Variants in DNAH1 observed in about 807,000 individuals in gnomAD.
DNAH1 encodes axonemal beta dynein heavy chain 1.
DNAH1 carries 327 observed loss-of-function variants against 484.3 expected under a neutral mutation model. The observed-to-expected ratio is 0.68, with a 90% CI of 0.62 to 0.74. DNAH1 has a LOEUF of 0.74. Ranked by LOEUF, DNAH1 falls within the 30% of genes least tolerant of loss-of-function variation. DNAH1 has a pLI of 0.00. For missense variants in DNAH1, 5,052 were observed against 5,546.8 expected, an observed-to-expected ratio of 0.91 and a Z score of 2.83; for synonymous variants, 2,192 against 2,191.9, an observed-to-expected ratio of 1.00 and a Z score of 0.00.
chr3:52,375,154 T>C (rs1210333904), intron 44 of DNAH1, 86 bp from the exon 45 acceptor site: 3 of 1,427,154 alleles, frequency 2.1e-6, no homozygotes, highest in Non-Finnish European at 2.8e-6. Context: ...AAAGTATAAT[T>C]TTGAATTTTT....
At chr3:52,347,540 T>A (rs1559510013) in intron 11 of DNAH1, among the ~76,000 whole-genome samples, 1 of 150,490 alleles carries the variant, frequency 6.6e-6, no homozygotes, top group Non-Finnish European at 1.5e-5. Flanking sequence ...GGGGAGAGAG[T>A]GGGGGCTACA....
chr3:52,360,634 G>A (rs1240692529), intron 28 of DNAH1, among the ~76,000 whole-genome samples: 4 of 152,164 alleles, frequency 2.6e-5, no homozygotes, highest in African/African-American at 9.7e-5. Context: ...CTGTGCCTGA[G>A]TTTCCTCTGA....
Position 52,390,928 on chromosome 3 carries a change from T to A in DNAH1, c.9622-7T>A. Reference sequence around the variant, plus strand: ...TCTGACCCAGTCCAGTGCCTGGCTCTCCACAGATCGCTGGCCTCCCCAACG... The same window carrying A: ...TCTGACCCAGTCCAGTGCCTGGCTCACCACAGATCGCTGGCCTCCCCAACG... On this transcript the variant is annotated splice_polypyrimidine_tract_variant and splice_region_variant and intron_variant, in intron 60 of 77. Transcript: ENST00000420323. 6.4e-7 allele frequency: 1 copy of A among 1,551,680 alleles called. No homozygotes were observed. The highest frequency in any genetic ancestry group is 8.7e-7 in the Non-Finnish European group (1 of 1,146,896).
intron 50 of DNAH1, among the ~76,000 whole-genome samples, 154 bp downstream of exon 50, chr3:52,382,609 G>T (rs924695508): frequency 1.3e-5 from 2 of 152,156 alleles, no homozygotes; most frequent in African/African-American, 4.8e-5. Flanking sequence ...GCCACAGATG[G>T]GCAGGTTGAG....
At chr3:52,376,373 C>T (rs1488380437) in intron 46 of DNAH1, among the ~76,000 whole-genome samples, 2 of 152,362 alleles carry the variant, frequency 1.3e-5, no homozygotes, top group Admixed American at 1.3e-4. Context: ...GGTGAATCTG[C>T]CCGTCGTCGC....
In DNAH1 at chr3:52,379,852, A is replaced by G. The variant is rs1703763233; in HGVS notation, c.7378-53A>G. Reference sequence around the variant, plus strand: ...CCTCCCTTGCCTGGTGGTTTGAGAGATAGCTGAGGGCTTGGGGGCCAAGGA... The same window carrying G: ...CCTCCCTTGCCTGGTGGTTTGAGAGGTAGCTGAGGGCTTGGGGGCCAAGGA... On this transcript the variant is annotated intron_variant, in intron 47 of 77. Transcript: ENST00000420323. The surrounding 1 kb of genome is among the most constrained non-coding windows in gnomAD (Gnocchi z 4.4). 3 of 1,489,440 alleles carry G rather than the reference A, an allele frequency of 2.0e-6. No individual in the cohort carries two copies. The highest frequency in any genetic ancestry group is 2.7e-6 in the Non-Finnish European group (3 of 1,101,374). 92.3% of individuals were successfully genotyped at this position (1,489,440 alleles called of 1,614,324 possible).
chr3:52,348,566 T>C (rs1477692075), intron 12 of DNAH1, among the ~76,000 whole-genome samples: 1 of 152,200 alleles, frequency 6.6e-6, no homozygotes, highest in Non-Finnish European at 1.5e-5. Flanking sequence ...AGTTAGAGCC[T>C]TCATGACCCA....
chr3:52,352,429 C>A, intron 17 of DNAH1, 123 bp from the exon 18 acceptor site: 1 of 1,340,676 alleles, frequency 7.5e-7, no homozygotes, highest in Non-Finnish European at 1.0e-6. Flanking sequence ...TCCAGGAGAA[C>A]AACCTCCTTA....
chr3:52,357,550 G>T (rs1283071100), intron 22 of DNAH1, 64 bp from the exon 23 acceptor site: 6 of 1,556,262 alleles, frequency 3.9e-6, no homozygotes, highest in Non-Finnish European at 5.2e-6. Context: ...GCTCTGGGAT[G>T]AGCCTATCTT....
chr3:52,373,073 C>A lies in DNAH1; in HGVS notation c.6985+20C>A. On this transcript the variant is annotated intron_variant, in intron 44 of 77. Coordinates refer to ENST00000420323, the MANE Select transcript of DNAH1 (RefSeq NM_015512.5). ...TCATTGGTGAGTGTGGCCGGCCTGG[C>A]TCACAGGGCAAGGGCTACGCGTGCT... 6.2e-7 allele frequency: 1 copy of A among 1,600,006 alleles called. No individual in the cohort carries two copies.
At chr3:52,373,552 T>C in intron 44 of DNAH1, 1 of 1,475,630 alleles carries the variant, frequency 6.8e-7, no homozygotes. Flanking sequence ...AAAATAAAAG[T>C]ACCCGTCTCT....
At chr3:52,350,626 G>A (rs374714299) in intron 16 of DNAH1, 36 bp downstream of exon 16, 306 of 1,597,110 alleles carry the variant, frequency 1.9e-4, no homozygotes, top group Non-Finnish European at 2.5e-4. Flanking sequence ...CAGGTGCGGG[G>A]TGGAGCATGA....
In DNAH1 at chr3:52,357,037, T is replaced by G. The variant is rs532530488; in HGVS notation, c.3858+259T>G. On this transcript the variant is annotated intron_variant, in intron 22 of 77. Coordinates refer to ENST00000420323, the MANE Select transcript of DNAH1 (RefSeq NM_015512.5). ...TTTTTTGTTTGTCTGTTTTTTTTTT[T>G]TTGTTTTTTTTTTTGAAACAGAGTT... Among the ~76,000 whole-genome samples the G allele has an allele frequency of 2.2e-3, 338 of 151,118 alleles. 3 individuals are homozygous for G. Among genetic ancestry groups the G allele is most frequent in the Middle Eastern group, 0.01 (3 of 292 alleles).
rs1379716951 is a variant in DNAH1 at position 52,346,761 on chromosome 3, G to T, written c.1946G>T (p.Ser649Ile). ...GTCTGGGGTGACGACTTAATTAACA[G>T]CCCCTACAGGTGGGGCCCGGCGGGG... is the stretch of plus-strand genomic sequence containing the variant. ...DMVWGDDLIN[S>I]PYRPRKNPLF... is the part of the protein sequence containing the mutation. Residue 649 changes from serine (S) to isoleucine (I), a missense_variant, in exon 11 of 78, where the codon AGC (serine) becomes ATC (isoleucine). Around this residue, in one of 4 missense-constraint regions of DNAH1, gnomAD observed 1,263 missense variants for 1,218.8 expected, o/e 1.04. Coordinates refer to ENST00000420323, the MANE Select transcript of DNAH1 (RefSeq NM_015512.5). 1 of 1,604,538 alleles carries T rather than the reference G, an allele frequency of 6.2e-7. No homozygotes were observed. The highest frequency in any genetic ancestry group is 8.5e-7 in the Non-Finnish European group (1 of 1,172,098).
At chr3:52,388,744 G>A (rs759503146) in intron 58 of DNAH1, 62 bp from the exon 59 acceptor site, 1 of 1,606,836 alleles carries the variant, frequency 6.2e-7, no homozygotes, top group Non-Finnish European at 8.5e-7. Flanking sequence ...ACAGTGGGTA[G>A]GGCCAGCCCC....
intron 44 of DNAH1, chr3:52,374,821 TA>T: frequency 1.9e-6 from 2 of 1,078,312 alleles, no homozygotes; most frequent in South Asian, 1.3e-5. Flanking sequence ...AAAGAGAAGC[TA>T]AAAATGGAAG....
intron 66 of DNAH1, 73 bp from the exon 67 acceptor site, chr3:52,394,392 A>G (rs1704524864): frequency 6.8e-7 from 1 of 1,471,320 alleles, no homozygotes; most frequent in Non-Finnish European, 9.4e-7. Context: ...GAGAGGCACT[A>G]CTGGGTGGGG....
At chr3:52,391,710 A>G (rs985025367) in intron 63 of DNAH1, 107 bp downstream of exon 63, 1 of 1,366,818 alleles carries the variant, frequency 7.3e-7, no homozygotes. Context: ...TCCCCCACTC[A>G]AAGTCTCCAC....
chr3:52,347,776 A>ACAGGCCTCCTAGGCGTG, intron 11 of DNAH1, 48 bp from the exon 12 acceptor site: 1 of 1,504,030 alleles, frequency 6.6e-7, no homozygotes, highest in Non-Finnish European at 8.9e-7. Flanking sequence ...GCTCCTGCAC[A>ACAGGCCTCCTAGGCGTG]CAGGCCTCCT....
Sources: gnomAD v4.1 joint callset for allele counts (sites outside exome capture counted in the v4.1 genomes callset) on GRCh38, gnomAD v4.1.1 for gene constraint, gnomAD v4.1.1 regional missense constraint, Gnocchi (gnomAD v3.1) non-coding constraint, MANE v1.5 for transcripts, NCBI Gene and HGNC (gene_info 2026-07-23, HGNC 2026-07-21) for gene names.